The following LINGO2 variants were observed in gnomAD, a reference collection of about 807,000 sequenced individuals.
LINGO2 encodes the protein leucine rich repeat and Ig domain containing 2.
A neutral mutation model predicts 30.6 loss-of-function variants in LINGO2; 14 were observed. That is an observed-to-expected ratio of 0.46 (90% confidence interval 0.30 to 0.72). The LOEUF (loss-of-function observed/expected upper bound fraction) is 0.72, where lower values mean the gene tolerates loss of function less well. LINGO2 is among the 30% of genes least tolerant of loss of function. The pLI, the probability that LINGO2 is intolerant of heterozygous loss-of-function variation, is 0.07. For missense variants in LINGO2, 729 were observed against 751.7 expected, an observed-to-expected ratio of 0.97 and a Z score of 0.35; for synonymous variants, 317 against 288.5, an observed-to-expected ratio of 1.10 and a Z score of -1.00.
chr9:28,499,398 C>G (rs1819795759), intron 1 of LINGO2, among the ~76,000 whole-genome samples: 1 of 152,158 alleles, frequency 6.6e-6, no homozygotes, highest in Admixed American at 6.5e-5. Flanking sequence ...TTCCAGGAGC[C>G]TGTTGTCAAT....
chr9:28,878,416 G>A, the LINGO2 span, among the ~76,000 whole-genome samples: 18 of 152,072 alleles, frequency 1.2e-4, no homozygotes, highest in Non-Finnish European at 2.4e-4. Context: ...GGTACAAGGA[G>A]GAAGAGGTAC....
At chr9:28,529,464 A>G (rs1179510995) in intron 1 of LINGO2, among the ~76,000 whole-genome samples, 1 of 152,124 alleles carries the variant, frequency 6.6e-6, no homozygotes, top group African/African-American at 2.4e-5. Flanking sequence ...ATTCCTAGTT[A>G]TCAATAAACA....
At chr9:29,149,950 G>A in the LINGO2 span, among the ~76,000 whole-genome samples, 7 of 152,268 alleles carry the variant, frequency 4.6e-5, no homozygotes, top group East Asian at 5.8e-4. Context: ...CTGTCTGACC[G>A]CTCCCACTGG....
chr9:28,025,600 G>A (rs1002023871), intron 4 of LINGO2, among the ~76,000 whole-genome samples: 1 of 152,098 alleles, frequency 6.6e-6, no homozygotes, highest in Non-Finnish European at 1.5e-5. Flanking sequence ...AGGAGTCAAG[G>A]TGTGAATGGG....
chr9:28,649,300 T>G (rs915966362), intron 1 of LINGO2, among the ~76,000 whole-genome samples: 1 of 151,730 alleles, frequency 6.6e-6, no homozygotes, highest in South Asian at 2.1e-4. Flanking sequence ...GTAGTAACCA[T>G]AGTACATAAT....
chr9:28,311,484 A>G (rs1824617401), intron 3 of LINGO2, among the ~76,000 whole-genome samples: 3 of 152,112 alleles, frequency 2.0e-5, no homozygotes, highest in African/African-American at 7.2e-5. Context: ...CAACCATAAA[A>G]GATGGCCACC....
chr9:28,760,724 C>T, the LINGO2 span, among the ~76,000 whole-genome samples: 3 of 151,774 alleles, frequency 2.0e-5, no homozygotes, highest in African/African-American at 7.3e-5. Context: ...CATGGCTTAG[C>T]TCCCACTTTA....
intron 1 of LINGO2, among the ~76,000 whole-genome samples, chr9:28,495,854 T>A (rs1407576634): frequency 2.0e-5 from 3 of 152,186 alleles, no homozygotes; most frequent in Non-Finnish European, 2.9e-5. Context: ...TTCTGGTATA[T>A]TGTGTCTTTG....
chr9:28,322,813 A>G (rs1825096248), intron 3 of LINGO2, among the ~76,000 whole-genome samples: 1 of 152,236 alleles, frequency 6.6e-6, no homozygotes. Context: ...ATTCAAAGAC[A>G]CAATGTTTAT....
chr9:28,979,645 A>G, the LINGO2 span, among the ~76,000 whole-genome samples: 1 of 152,072 alleles, frequency 6.6e-6, no homozygotes, highest in Admixed American at 6.6e-5. Context: ...TATTATACAT[A>G]TGCGGGACTA....
chr9:29,181,263 T>C, the LINGO2 span, among the ~76,000 whole-genome samples: 1 of 152,220 alleles, frequency 6.6e-6, no homozygotes, highest in Non-Finnish European at 1.5e-5. Flanking sequence ...AGGTTGACCT[T>C]ATGGAGTTAC....
intron 1 of LINGO2, among the ~76,000 whole-genome samples, chr9:28,588,802 C>T (rs993278637): frequency 1.3e-4 from 20 of 152,024 alleles, no homozygotes; most frequent in African/African-American, 4.3e-4. Flanking sequence ...ACTAGTCAGG[C>T]CATGCAGCAT....
the LINGO2 span, among the ~76,000 whole-genome samples, chr9:29,042,644 A>G: frequency 6.6e-5 from 10 of 151,926 alleles, no homozygotes; most frequent in African/African-American, 2.4e-4. Context: ...ACGTGTTTTA[A>G]TTGGCAAAAG....
At chr9:28,526,055 C>CAAAAAAAA (rs58629857) in intron 1 of LINGO2, among the ~76,000 whole-genome samples, 493 of 48,470 alleles carry the variant, frequency 0.01, 97 homozygotes, top group African/African-American at 0.036. Flanking sequence ...GACTCCGTCT[C>CAAAAAAAA]AAAAAAAAAA....
At chr9:29,082,874 T>A in the LINGO2 span, among the ~76,000 whole-genome samples, 1 of 151,986 alleles carries the variant, frequency 6.6e-6, no homozygotes, top group African/African-American at 2.4e-5. Context: ...AAATCAAAAT[T>A]ACAATGAGAT....
intron 4 of LINGO2, among the ~76,000 whole-genome samples, chr9:28,199,424 C>T (rs999330451): frequency 1.1e-4 from 17 of 151,430 alleles, no homozygotes; most frequent in South Asian, 2.1e-4. Flanking sequence ...CTGCAAGCTC[C>T]GCCTCCCGGG....
the LINGO2 span, among the ~76,000 whole-genome samples, chr9:28,825,561 G>A: frequency 1.4e-5 from 1 of 71,220 alleles, no homozygotes; most frequent in South Asian, 9.3e-4. Flanking sequence ...CAGCTCATTT[G>A]TATCTGGTTT....
chr9:28,219,238 C>T (rs1820875439), intron 4 of LINGO2, among the ~76,000 whole-genome samples: 1 of 152,102 alleles, frequency 6.6e-6, no homozygotes, highest in Non-Finnish European at 1.5e-5. Context: ...CATGTAGGCC[C>T]TAGAAAGATA....
chr9:27,956,652 C>T (rs1156782409), intron 5 of LINGO2, among the ~76,000 whole-genome samples: 1 of 151,954 alleles, frequency 6.6e-6, no homozygotes, highest in African/African-American at 2.4e-5. Flanking sequence ...CCTATGTATT[C>T]TTCTGGAAAT....
Sources: allele counts gnomAD v4.1 joint callset (sites outside exome capture counted in the v4.1 genomes callset), GRCh38; gene constraint gnomAD v4.1.1; transcripts MANE v1.5; gene names NCBI Gene and HGNC (gene_info 2026-07-23, HGNC 2026-07-21).